Variants in C22orf31 observed in about 807,000 individuals in gnomAD.
C22orf31 encodes the protein chromosome 22 open reading frame 31.
In C22orf31, 11 loss-of-function variants were observed where a neutral mutation model predicts 15.0. That is an observed-to-expected ratio of 0.73 (90% CI 0.46 to 1.21). C22orf31 has a LOEUF of 1.21. Among genes scored for constraint, C22orf31 ranks in the 50% most tolerant of loss-of-function variants. The pLI is 0.00. For synonymous variants in C22orf31, 132 were observed against 133.3 expected (o/e 0.99, Z 0.07); for missense variants, 340 against 347.2 (o/e 0.98, Z 0.17).
upstream of C22orf31, among the ~76,000 whole-genome samples, chr22:29,065,175 G>A (rs2037421214): frequency 6.6e-6 from 1 of 152,080 alleles, no homozygotes; most frequent in Non-Finnish European, 1.5e-5. Context: ...TTAATATTAT[G>A]GTCCATTTAC....
chr22:29,069,854 C>A, the C22orf31 span, among the ~76,000 whole-genome samples: 2 of 152,044 alleles, frequency 1.3e-5, no homozygotes, highest in Non-Finnish European at 1.5e-5. Context: ...CATGGGCGTG[C>A]AACCTGTATA....
rs2037378259 is a variant in C22orf31, at chr22:29,060,451, T to C, written c.396A>G (p.Pro132=). ...CTCCTGCAGGCCTCCTATGCCCTGC[T>C]GGCTGCTTGCTCTTGGAACTGATGA... ...RNFISSKSKQ[P]AGHRRPAGGI... Residue 132 remains proline (P), a synonymous_variant, in exon 2 of 3, where the codon CCA becomes CCG. Transcript: ENST00000216071. The C allele has an allele frequency of 2.5e-6, 4 of 1,613,882 alleles. No individual in the cohort carries two copies. Among genetic ancestry groups the C allele is most frequent in the Non-Finnish European group, 1.7e-6 (2 of 1,179,998 alleles).
intron 2 of C22orf31, chr22:29,060,021 C>CTTTTTTTTTTTTTTTTTTTT (rs60208241): frequency 2.1e-5 from 11 of 513,146 alleles, no homozygotes; most frequent in Admixed American, 1.0e-4. Flanking sequence ...TTTTTCTTTT[C>CTTTTTTTTTTTTTTTTTTTT]TTTTTTTTTT....
intron 2 of C22orf31, among the ~76,000 whole-genome samples, chr22:29,059,495 G>A (rs1050852812): frequency 6.6e-6 from 1 of 152,180 alleles, no homozygotes; most frequent in Non-Finnish European, 1.5e-5. Flanking sequence ...CCTCTGCCAG[G>A]CTCTGTTCAA....
upstream of C22orf31, among the ~76,000 whole-genome samples, chr22:29,066,539 CTTTTTTTTTTTTTTTTTTTTTTTTT>C (rs134565): frequency 1.4e-4 from 10 of 70,230 alleles, no homozygotes; most frequent in African/African-American, 3.7e-4. Flanking sequence ...CTTTTCTTTT[CTTTTTTTTTTTTTTTTTTTTTTTTT>C]TTTTTTTTTT....
chr22:29,059,525 T>C (rs1486654354), intron 2 of C22orf31, among the ~76,000 whole-genome samples: 1 of 152,236 alleles, frequency 6.6e-6, no homozygotes, highest in Non-Finnish European at 1.5e-5. Context: ...GCATGTATTA[T>C]TTAACATTCA....
chr22:29,064,021 T>C (rs2037413166), upstream of C22orf31, among the ~76,000 whole-genome samples: 1 of 152,046 alleles, frequency 6.6e-6, no homozygotes, highest in Non-Finnish European at 1.5e-5. Flanking sequence ...GCACGCACTA[T>C]CATGCCGGGC....
upstream of C22orf31, among the ~76,000 whole-genome samples, chr22:29,066,623 C>T (rs572551060): frequency 1.5e-5 from 2 of 133,670 alleles, no homozygotes; most frequent in East Asian, 2.3e-4. Flanking sequence ...TGCAGTGGCA[C>T]GATCTTGGCT....
At chr22:29,064,245 C>T (rs554562581), upstream of C22orf31, among the ~76,000 whole-genome samples, 1 of 152,312 alleles carries the variant, frequency 6.6e-6, no homozygotes, top group African/African-American at 2.4e-5. Context: ...ATCCATCTAC[C>T]ATACCCGGGC....
intron 1 of C22orf31, among the ~76,000 whole-genome samples, chr22:29,061,116 A>T (rs2037386469): frequency 6.6e-6 from 1 of 152,076 alleles, no homozygotes; most frequent in South Asian, 2.1e-4. Flanking sequence ...GAGGGTTCAC[A>T]AGGAATTGAA....
At chr22:29,061,446 A>T (rs2037390889) in intron 1 of C22orf31, among the ~76,000 whole-genome samples, 1 of 152,046 alleles carries the variant, frequency 6.6e-6, no homozygotes, top group Non-Finnish European at 1.5e-5. Context: ...TTGTATTTTT[A>T]GTAGAGACAG....
chr22:29,073,101 C>G, the C22orf31 span: 1 of 819,112 alleles, frequency 1.2e-6, no homozygotes, highest in Non-Finnish European at 1.5e-6. This position sits in a 1 kb window ranked among gnomAD's most constrained non-coding sequence, Gnocchi z 4.4. Context: ...TTACCCCGGG[C>G]CGCGCCCCGG....
chr22:29,059,476 ATTAT>A (rs919925307), intron 2 of C22orf31, among the ~76,000 whole-genome samples: 15 of 152,302 alleles, frequency 9.8e-5, no homozygotes, highest in African/African-American at 3.6e-4. Flanking sequence ...CAAGATCCTA[ATTAT>A]TTACCCTCTG....
chr22:29,066,015 T>C (rs999310331), upstream of C22orf31, among the ~76,000 whole-genome samples: 1 of 152,216 alleles, frequency 6.6e-6, no homozygotes, highest in African/African-American at 2.4e-5. Context: ...AGCCAAACTT[T>C]CCTCACAGTA....
chr22:29,072,690 G>A, the C22orf31 span, among the ~76,000 whole-genome samples: 1 of 152,218 alleles, frequency 6.6e-6, no homozygotes, highest in Non-Finnish European at 1.5e-5. Context: ...CGACCTAAGT[G>A]AGGGTGGAGC....
At chr22:29,072,754 T>G in the C22orf31 span, among the ~76,000 whole-genome samples, 2 of 152,136 alleles carry the variant, frequency 1.3e-5, no homozygotes, top group African/African-American at 4.8e-5. Flanking sequence ...CTTGGTGACT[T>G]GGAGGCCGGG....
At chr22:29,073,715 G>T in the C22orf31 span, among the ~76,000 whole-genome samples, 29 of 145,678 alleles carry the variant, frequency 2.0e-4, no homozygotes, top group African/African-American at 7.5e-4. The surrounding 1 kb of genome is among the most constrained non-coding windows in gnomAD (Gnocchi z 4.4). Flanking sequence ...CTAGGATCCC[G>T]TCCCAAAATC....
upstream of C22orf31, chr22:29,061,893 T>C: frequency 9.8e-7 from 1 of 1,020,918 alleles, no homozygotes; most frequent in Non-Finnish European, 1.4e-6. Flanking sequence ...TTTGTTTTTG[T>C]TTTAATATTT....
chr22:29,071,387 C>A, the C22orf31 span, among the ~76,000 whole-genome samples: 1 of 150,642 alleles, frequency 6.6e-6, no homozygotes, highest in South Asian at 2.1e-4. Flanking sequence ...GCCCTGCGAG[C>A]AGCCGTGGGT....
Sources: gnomAD v4.1 joint callset for allele counts (sites outside exome capture counted in the v4.1 genomes callset) on GRCh38, gnomAD v4.1.1 for gene constraint, Gnocchi (gnomAD v3.1) non-coding constraint, MANE v1.5 for transcripts, NCBI Gene and HGNC (gene_info 2026-07-23, HGNC 2026-07-21) for gene names.